SLC44A4: variants seen among roughly 807,000 people sequenced by gnomAD.
The protein encoded by SLC44A4 is choline transporter-like protein 4.
Under a neutral mutation model 97.0 loss-of-function variants are expected in SLC44A4, and 74 were observed. The ratio of observed to expected loss-of-function variants is 0.76; its 90% CI spans 0.63 to 0.93. The LOEUF is 0.93. SLC44A4 is among the 40% of genes least tolerant of loss of function. SLC44A4 has a pLI of 0.00. For synonymous variants in SLC44A4, 325 were observed against 363.8 expected, an observed-to-expected ratio of 0.89 and a Z score of 1.21; for missense variants, 799 against 902.9, an observed-to-expected ratio of 0.88 and a Z score of 1.48.
At chr6:31,868,853 A>G (rs1368940359) in intron 13 of SLC44A4, among the ~76,000 whole-genome samples, 1 of 152,032 alleles carries the variant, frequency 6.6e-6, no homozygotes, top group Non-Finnish European at 1.5e-5. Context: ...TGAGACTCAG[A>G]GGGTGAAGTG....
At chr6:31,868,133 T>C (rs1358135451) in intron 13 of SLC44A4, among the ~76,000 whole-genome samples, 1 of 152,176 alleles carries the variant, frequency 6.6e-6, no homozygotes, top group East Asian at 1.9e-4. Flanking sequence ...CCCTTTTTAA[T>C]AGGGGTGGGG....
intron 7 of SLC44A4, among the ~76,000 whole-genome samples, chr6:31,872,884 A>ACT (rs1562453675): frequency 7.4e-6 from 1 of 135,206 alleles, no homozygotes; most frequent in South Asian, 2.4e-4. Context: ...TAAATTGTCT[A>ACT]ATTTTTTTTT....
chr6:31,869,508 G>C (rs1029049693), intron 12 of SLC44A4, 37 bp downstream of exon 12: 6 of 1,525,880 alleles, frequency 3.9e-6, no homozygotes, highest in Non-Finnish European at 5.4e-6. Context: ...CACCCCCCAG[G>C]ACTCCAAGAG....
At chr6:31,871,666 G>A in intron 7 of SLC44A4, 105 bp from the exon 8 acceptor site, 1 of 834,306 alleles carries the variant, frequency 1.2e-6, no homozygotes, top group Non-Finnish European at 2.0e-6. Flanking sequence ...GAAGGGTGAT[G>A]GGCCTTGCAT....
In SLC44A4 at chr6:31,871,533, G is replaced by A. The variant is rs764546181; in HGVS notation, c.558C>T (p.Asn186=). ...PALGRCFPWT[N]VTPPALPGIT... ...TCCCTGGGAGCGCCGGTGGAGTAAC[G>A]TTGGTCCATGGAAAGCAGCGCCCCA... The change falls in exon 8 of 21, where the codon AAC becomes AAT. Residue 186 remains asparagine (N), a synonymous_variant. Transcript: ENST00000229729. 11 of 1,613,776 alleles carry A rather than the reference G, an allele frequency of 6.8e-6. No homozygotes were observed. The highest frequency in any genetic ancestry group is 1.1e-5 in the South Asian group (1 of 91,072).
chr6:31,864,766 G>A (rs767386300), intron 19 of SLC44A4, 30 bp from the exon 20 acceptor site: 2 of 1,613,872 alleles, frequency 1.2e-6, no homozygotes, highest in South Asian at 2.2e-5. Context: ...GGGGTTATTG[G>A]GTTCCTCTGG....
Position 31,875,934 on chromosome 6 carries a change from C to T in SLC44A4, c.164-4G>A, listed in dbSNP as rs150532432. ...CGGGGGTCTCCATACAACCAGGCTG[C>T]AGACAGAGGCACAGATGAGTCATTG... On this transcript the variant is annotated splice_polypyrimidine_tract_variant and splice_region_variant and intron_variant, in intron 3 of 20. Transcript: ENST00000229729. 1.4e-3 allele frequency: 2,310 copies of T among 1,613,896 alleles called. 2 individuals are homozygous for T. Among genetic ancestry groups the T allele is most frequent in the African/African-American group, 3.5e-3 (261 of 75,048 alleles).
rs767276249 is a variant in SLC44A4 at position 31,865,826 on chromosome 6, CT to C, written c.1488-43del. ...GCAGTCAGAGACAGCTCCAGGACCC[CT>C]GGGGCCCCCGTGCCTACAATGACCA... is the stretch of plus-strand genomic sequence containing the variant. On this transcript the variant is annotated intron_variant, in intron 14 of 20. Coordinates refer to ENST00000229729, the MANE Select transcript of SLC44A4 (RefSeq NM_025257.3). The surrounding 1 kb of genome is among the most constrained non-coding windows in gnomAD (Gnocchi z 5.2). 1 of 1,613,950 alleles carries C rather than the reference CT, an allele frequency of 6.2e-7. No homozygotes were observed. Among genetic ancestry groups the C allele is most frequent in the Non-Finnish European group, 8.5e-7 (1 of 1,179,888 alleles).
intron 7 of SLC44A4, among the ~76,000 whole-genome samples, chr6:31,873,276 G>C (rs961255499): frequency 6.6e-6 from 1 of 152,064 alleles, no homozygotes. Flanking sequence ...TCTGCCACCC[G>C]GGTTCAAGCA....
intron 7 of SLC44A4, among the ~76,000 whole-genome samples, chr6:31,871,893 G>C (rs142239160): frequency 6.6e-6 from 1 of 152,024 alleles, no homozygotes; most frequent in South Asian, 2.1e-4. Context: ...CAGGGTTCTG[G>C]GTCCCTTTGT....
In SLC44A4 at chr6:31,877,015, A is replaced by T; in HGVS notation, c.89+19T>A. 1 of 1,605,016 alleles carries T rather than the reference A, an allele frequency of 6.2e-7. No individual in the cohort carries two copies. The highest frequency in any genetic ancestry group is 8.5e-7 in the Non-Finnish European group (1 of 1,176,842). On this transcript the variant is annotated intron_variant, in intron 2 of 20. Transcript: ENST00000229729. The surrounding 1 kb of genome is among the most constrained non-coding windows in gnomAD (Gnocchi z 6.5). The stretch of plus-strand genomic sequence containing the variant: ...ACCCACCACCCCCGCCAGCCCCCGG[A>T]GCAGTGCCCAGAGCTCACCTGTTCT...
At position 31,874,941 on chromosome 6, in the gene SLC44A4, GC is replaced by G; in HGVS notation, c.329del (p.Cys110SerfsTer47). On this transcript the variant is annotated frameshift_variant, in exon 5 of 21. Coordinates refer to ENST00000229729, the MANE Select transcript of SLC44A4 (RefSeq NM_025257.3). LOFTEE classifies it high-confidence loss of function. This position sits in a 1 kb window ranked among gnomAD's most constrained non-coding sequence, Gnocchi z 4.8. ...CCCAGGCTCTGACCTGGGGTGTGGG[GC>G]ACTGTAGGCCGTTCTCAGCAACTGA... is the stretch of plus-strand genomic sequence containing the variant. ...IISVAENGLQ[C>X]PTPQVCVSSC... is the part of the protein sequence containing the mutation. 4 of 1,613,812 alleles carry G rather than the reference GC, an allele frequency of 2.5e-6. No individual in the cohort carries two copies. Among genetic ancestry groups the G allele is most frequent in the Non-Finnish European group, 3.4e-6 (4 of 1,179,972 alleles).
At chr6:31,864,376 T>C (rs1179446542) in intron 20 of SLC44A4, 2 of 556,924 alleles carry the variant, frequency 3.6e-6, no homozygotes, top group Admixed American at 6.3e-5. Context: ...ATGCCTGGCC[T>C]CTAATGGCTA....
rs756870402 is a variant in SLC44A4, at chr6:31,874,897, A to G, written c.342+32T>C. ...GCTGGAACCTGAGACCCTGGGTGAG[A>G]TCTGGGGTAGAGGCAGGTCCCAGGC... On this transcript the variant is annotated intron_variant, in intron 5 of 20. Transcript: ENST00000229729. This position sits in a 1 kb window ranked among gnomAD's most constrained non-coding sequence, Gnocchi z 4.8. 29 of 1,613,686 alleles carry G rather than the reference A, an allele frequency of 1.8e-5. No individual in the cohort carries two copies. Among genetic ancestry groups the G allele is most frequent in the Non-Finnish European group, 6.8e-6 (8 of 1,179,862 alleles).
rs1432050428 is a variant in SLC44A4, at chr6:31,866,116, A to T, written c.1244T>A (p.Val415Glu). 6 of 1,613,816 alleles carry T rather than the reference A, an allele frequency of 3.7e-6. No homozygotes were observed. Among genetic ancestry groups the T allele is most frequent in the Non-Finnish European group, 5.1e-6 (6 of 1,179,964 alleles). The change falls in exon 14 of 21, where the codon GTG becomes GAG. Residue 415 changes from valine to glutamate, a missense_variant. Transcript: ENST00000229729. ...NTSCNPTAHL[V>E]NSSCPGLMCV... is the part of the protein sequence containing the mutation. ...CATCAGCCCTGGGCACGAGGAGTTC[A>T]CAAGGTGGGCCTGGGAGGGTAGACG...
Position 31,871,058 on chromosome 6 carries a change from G to T in SLC44A4, c.702-11C>A. On this transcript the variant is annotated splice_polypyrimidine_tract_variant and intron_variant, in intron 9 of 20. Coordinates refer to ENST00000229729, the MANE Select transcript of SLC44A4 (RefSeq NM_025257.3). ...GCCACCCCCAGGGCACTGTAGGCAG[G>T]GTGAGGACAGTGAGGTTCAGCCCTA... 6.3e-7 allele frequency: 1 copy of T among 1,594,160 alleles called. No individual in the cohort carries two copies. The highest frequency in any genetic ancestry group is 8.5e-7 in the Non-Finnish European group (1 of 1,171,186).
Position 31,863,393 on chromosome 6 carries a change from T to G in SLC44A4, c.*234A>C, listed in dbSNP as rs2151549666. On this transcript the variant is annotated 3_prime_UTR_variant, in exon 21 of 21. Transcript: ENST00000229729. ...GGTGCATGCCACCACTCTCGGCTAA[T>G]TTTTGTATTTTTAATAGAGACGGAG... The G allele has an allele frequency of 2.3e-6, 1 of 433,226 alleles. No individual in the cohort carries two copies. The highest frequency in any genetic ancestry group is 3.9e-6 in the Non-Finnish European group (1 of 253,214). The allele number at this position is 433,226 out of a possible 1,614,324, so 26.8% of individuals were successfully genotyped here. A position where few individuals can be genotyped will look rare whatever the true frequency, so the allele number is the denominator to read the frequency against.
chr6:31,870,889 C>A lies in SLC44A4; in HGVS notation c.860G>T (p.Gly287Val), dbSNP rs1763130053. The A allele has an allele frequency of 6.2e-7, 1 of 1,613,044 alleles. No individual in the cohort carries two copies. Among genetic ancestry groups the A allele is most frequent in the Non-Finnish European group, 8.5e-7 (1 of 1,180,008 alleles). Reference protein sequence around the residue: ...WEEYRVLRDKGASISQLGFTT... With the variant: ...WEEYRVLRDKVASISQLGFTT... ...GAAACCCAGCTGGGAGATGGAGGCGCCCTTGTCCCGCAGCACTCGGTACTC... is the reference window on the plus strand; with the variant it reads ...GAAACCCAGCTGGGAGATGGAGGCGACCTTGTCCCGCAGCACTCGGTACTC... The change falls in exon 10 of 21, where the codon GGC becomes GTC. Residue 287 changes from glycine (G) to valine (V), a missense_variant. Coordinates refer to ENST00000229729, the MANE Select transcript of SLC44A4 (RefSeq NM_025257.3).
chr6:31,871,055 C>A lies in SLC44A4; in HGVS notation c.702-8G>T. 6.3e-7 allele frequency: 1 copy of A among 1,597,744 alleles called. No homozygotes were observed. The highest frequency in any genetic ancestry group is 2.2e-5 in the East Asian group (1 of 44,482). ...AGAGCCACCCCCAGGGCACTGTAGG[C>A]AGGGTGAGGACAGTGAGGTTCAGCC... On this transcript the variant is annotated splice_region_variant and splice_polypyrimidine_tract_variant and intron_variant, in intron 9 of 20. Transcript: ENST00000229729.
Sources: gnomAD v4.1 joint callset for allele counts (sites outside exome capture counted in the v4.1 genomes callset) on GRCh38, gnomAD v4.1.1 for gene constraint, Gnocchi (gnomAD v3.1) non-coding constraint, MANE v1.5 for transcripts, NCBI Gene and HGNC (gene_info 2026-07-23, HGNC 2026-07-21) for gene names.